EFCAB3: variants seen among roughly 807,000 people sequenced by gnomAD.
The protein encoded by EFCAB3 is EF-hand calcium-binding domain-containing protein 3.
Under a neutral mutation model 42.2 loss-of-function variants are expected in EFCAB3, and 36 were observed. That is an observed-to-expected ratio of 0.85 (90% confidence interval 0.65 to 1.13). The LOEUF (loss-of-function observed/expected upper bound fraction) is 1.13. Ranked by LOEUF, EFCAB3 falls within the 50% of genes most tolerant of loss-of-function variation. The pLI is 0.00. For synonymous variants in EFCAB3, 170 were observed against 172.8 expected (o/e 0.98, Z 0.13); for missense variants, 418 against 505.1 (o/e 0.83, Z 1.65).
intron 2 of EFCAB3, 32 bp from the exon 3 acceptor site, chr17:62,387,308 G>A (rs2070260424): frequency 6.4e-7 from 1 of 1,558,492 alleles, no homozygotes; most frequent in African/African-American, 1.4e-5. Context: ...CACATAGGTA[G>A]TAAATCTAAA....
intron 1 of EFCAB3, 91 bp from the exon 2 acceptor site, chr17:62,382,872 C>T: frequency 8.9e-7 from 1 of 1,128,502 alleles, no homozygotes; most frequent in Non-Finnish European, 1.2e-6. Context: ...CTAGACTTTT[C>T]AAACTCCAGG....
intron 8 of EFCAB3, among the ~76,000 whole-genome samples, chr17:62,409,402 G>A (rs1459305223): frequency 1.3e-5 from 2 of 152,056 alleles, no homozygotes; most frequent in African/African-American, 2.4e-5. Flanking sequence ...GGGTGCAATG[G>A]TACATACCCC....
intron 7 of EFCAB3, 59 bp downstream of exon 7, chr17:62,406,732 C>T (rs1433746109): frequency 1.3e-5 from 20 of 1,568,826 alleles, no homozygotes; most frequent in Non-Finnish European, 1.7e-5. Flanking sequence ...TATGACTGGT[C>T]AGAAAGAAGT....
chr17:62,390,772 A>C (rs2070296233), intron 3 of EFCAB3, among the ~76,000 whole-genome samples: 1 of 152,246 alleles, frequency 6.6e-6, no homozygotes, highest in Non-Finnish European at 1.5e-5. Context: ...CTTACAGAGC[A>C]GGTATCGTTA....
chr17:62,396,816 T>C (rs1037141311), intron 6 of EFCAB3, among the ~76,000 whole-genome samples: 1 of 151,962 alleles, frequency 6.6e-6, no homozygotes, highest in African/African-American at 2.4e-5. Flanking sequence ...GAATTTGAGG[T>C]TACAGTGAGC....
chr17:62,395,031 G>A (rs2070336648), intron 5 of EFCAB3, 37 bp from the exon 6 acceptor site: 3 of 1,606,898 alleles, frequency 1.9e-6, no homozygotes, highest in Admixed American at 3.4e-5. Context: ...TATTTCAGAA[G>A]GTATTTAAAA....
At position 62,413,841 on chromosome 17, in the gene EFCAB3, C is replaced by G; in HGVS notation, c.977C>G (p.Ala326Gly). The G allele has an allele frequency of 6.2e-7, 1 of 1,610,144 alleles. No individual in the cohort carries two copies. The highest frequency in any genetic ancestry group is 8.5e-7 in the Non-Finnish European group (1 of 1,178,648). ...KQTCTVADAT[A>G]IKQHVKRATD... is the part of the protein sequence containing the mutation. ...ACTTGTACAGTGGCCGATGCAACTG[C>G]TATTAAACAACATGTGAGTATTCCT... Residue 326 changes from alanine to glycine, a missense_variant, in exon 9 of 10, where the codon GCT (alanine) becomes GGT (glycine). By Grantham distance (60) the Ala-to-Gly change is moderately conservative (BLOSUM62 0). Transcript: ENST00000305286.
chr17:62,372,099 A>T (rs878943905), intron 1 of EFCAB3, among the ~76,000 whole-genome samples: 1 of 152,364 alleles, frequency 6.6e-6, no homozygotes, highest in East Asian at 1.9e-4. Flanking sequence ...ACGAAGCCCA[A>T]CTGAAAGTAG....
At chr17:62,394,844 T>C (rs2070335382) in intron 5 of EFCAB3, among the ~76,000 whole-genome samples, 1 of 152,212 alleles carries the variant, frequency 6.6e-6, no homozygotes, top group South Asian at 2.1e-4. Context: ...TATTACTATG[T>C]TTTCTTAGAA....
chr17:62,397,639 T>A, intron 6 of EFCAB3: 1 of 600,874 alleles, frequency 1.7e-6, no homozygotes, highest in East Asian at 4.0e-5. Flanking sequence ...TGATCAAGAA[T>A]AGCAAGAAAA....
intron 3 of EFCAB3, 80 bp downstream of exon 3, chr17:62,387,496 G>T: frequency 8.1e-7 from 1 of 1,239,286 alleles, no homozygotes; most frequent in Admixed American, 2.0e-5. Flanking sequence ...AAAGATCTGA[G>T]ATTTCAAGGG....
At chr17:62,407,295 A>G in intron 8 of EFCAB3, 83 bp downstream of exon 8, 5 of 1,231,754 alleles carry the variant, frequency 4.1e-6, no homozygotes, top group Non-Finnish European at 4.3e-6. Context: ...TGCTTTTTAC[A>G]ACAAATAGTT....
intron 5 of EFCAB3, 81 bp from the exon 6 acceptor site, chr17:62,394,987 T>C: frequency 6.6e-7 from 1 of 1,519,594 alleles, no homozygotes; most frequent in Non-Finnish European, 8.9e-7. Context: ...GATATTATTA[T>C]TGTAAATAAT....
chr17:62,408,655 A>G (rs1598021086), intron 8 of EFCAB3, among the ~76,000 whole-genome samples: 1 of 152,352 alleles, frequency 6.6e-6, no homozygotes, highest in Middle Eastern at 3.4e-3. Context: ...AATGGCTACT[A>G]TACTGGATGA....
rs147956974 is a variant in EFCAB3 at position 62,381,971 on chromosome 17, T to G, written c.-17-992T>G. On this transcript the variant is annotated intron_variant, in intron 1 of 9. Transcript: ENST00000305286. Reference sequence around the variant, plus strand: ...AGAAGATGAGGAGGAGGAGGAGGTGTCCAAAGAGTCAGACGATGACATGGG... The same window carrying G: ...AGAAGATGAGGAGGAGGAGGAGGTGGCCAAAGAGTCAGACGATGACATGGG... 681 of 286,370 alleles carry G rather than the reference T, an allele frequency of 2.4e-3. 4 individuals are homozygous for G. Among genetic ancestry groups the G allele is most frequent in the African/African-American group, 0.014 (626 of 44,132 alleles). The allele number at this position is 286,370 out of a possible 1,614,324, so 17.7% of individuals were successfully genotyped here. A position where few individuals can be genotyped will look rare whatever the true frequency, so the allele number is the denominator to read the frequency against.
chr17:62,412,696 G>A (rs2070509835), intron 8 of EFCAB3, among the ~76,000 whole-genome samples: 1 of 151,376 alleles, frequency 6.6e-6, no homozygotes, highest in South Asian at 2.1e-4. Context: ...CTGGGCTCAA[G>A]CAATCCACCC....
chr17:62,387,271 A>G, intron 2 of EFCAB3, 69 bp from the exon 3 acceptor site: 1 of 1,216,966 alleles, frequency 8.2e-7, no homozygotes, highest in Non-Finnish European at 1.2e-6. Context: ...GCAGAAACTG[A>G]TGAGTAAGAC....
chr17:62,394,252 C>CTA (rs1428291427), intron 5 of EFCAB3, among the ~76,000 whole-genome samples: 2 of 152,062 alleles, frequency 1.3e-5, no homozygotes, highest in African/African-American at 4.8e-5. Flanking sequence ...CACGCCCAGC[C>CTA]TATAATGTCT....
chr17:62,391,632 G>C (rs1179474693), intron 3 of EFCAB3, among the ~76,000 whole-genome samples, 190 bp from the exon 4 acceptor site: 1 of 152,108 alleles, frequency 6.6e-6, no homozygotes, highest in Non-Finnish European at 1.5e-5. Context: ...GCAACAGTTA[G>C]TTCATTCCAG....
Sources: allele counts gnomAD v4.1 joint callset (sites outside exome capture counted in the v4.1 genomes callset), GRCh38; gene constraint gnomAD v4.1.1; transcripts MANE v1.5; gene names NCBI Gene and HGNC (gene_info 2026-07-23, HGNC 2026-07-21).